The following TTBK2 variants were observed in gnomAD, a reference collection of about 807,000 sequenced individuals.
TTBK2 encodes the protein tau tubulin kinase 2, also known as tau-tubulin kinase 2.
TTBK2 carries 28 observed loss-of-function variants against 110.8 expected under a neutral mutation model. The observed-to-expected ratio is 0.25, with a 90% CI of 0.19 to 0.35. TTBK2 has a LOEUF of 0.35. Ranked by LOEUF, TTBK2 falls within the 10% of genes least tolerant of loss-of-function variation. The probability of loss-of-function intolerance (pLI) is 1.00; values close to 1 mark genes in which losing one functional copy is unlikely to be tolerated. For missense variants in TTBK2, 1,369 were observed against 1,500.3 expected, an observed-to-expected ratio of 0.91 and a Z score of 1.45; for synonymous variants, 532 against 527.3, an observed-to-expected ratio of 1.01 and a Z score of -0.12.
At chr15:42,859,997 A>C (rs922792728) in intron 3 of TTBK2, among the ~76,000 whole-genome samples, 1 of 152,182 alleles carries the variant, frequency 6.6e-6, no homozygotes, top group African/African-American at 2.4e-5. Context: ...AAAAAAAAGT[A>C]TCTGAGCTTG....
intron 13 of TTBK2, among the ~76,000 whole-genome samples, chr15:42,758,934 C>A (rs1035551818): frequency 6.6e-6 from 1 of 152,208 alleles, no homozygotes; most frequent in Non-Finnish European, 1.5e-5. Flanking sequence ...ATTAGGAGAA[C>A]AAGGTAAGCA....
chr15:42,917,394 T>A (rs899006664), intron 1 of TTBK2, among the ~76,000 whole-genome samples: 2 of 152,108 alleles, frequency 1.3e-5, no homozygotes, highest in Admixed American at 1.3e-4. Context: ...TCTAGCAAAA[T>A]TGACATTCAT....
intron 14 of TTBK2, 118 bp from the exon 15 acceptor site, chr15:42,746,375 A>G: frequency 1.3e-6 from 1 of 791,516 alleles, no homozygotes. Flanking sequence ...GACTAACAGG[A>G]TACAGGGTTA....
intron 4 of TTBK2, among the ~76,000 whole-genome samples, chr15:42,834,975 T>A (rs1166920973): frequency 6.6e-6 from 1 of 152,210 alleles, no homozygotes; most frequent in Non-Finnish European, 1.5e-5. Context: ...GTGTTTATAT[T>A]AGGGAACCAA....
At chr15:42,841,932 A>G (rs1392700596) in intron 3 of TTBK2, among the ~76,000 whole-genome samples, 2 of 152,222 alleles carry the variant, frequency 1.3e-5, no homozygotes, top group Non-Finnish European at 2.9e-5. Flanking sequence ...TGCTAAGACC[A>G]AAAGGCAGAG....
intron 13 of TTBK2, among the ~76,000 whole-genome samples, chr15:42,758,639 A>G (rs1427363609): frequency 2.1e-5 from 3 of 141,630 alleles, no homozygotes; most frequent in African/African-American, 8.4e-5. Flanking sequence ...TGGGTGACAA[A>G]GTGAGATTCC....
At chr15:42,766,992 C>T (rs1376728798) in intron 13 of TTBK2, among the ~76,000 whole-genome samples, 1 of 152,174 alleles carries the variant, frequency 6.6e-6, no homozygotes, top group Non-Finnish European at 1.5e-5. Context: ...CTCAAAACTG[C>T]ACAACTACAT....
intron 10 of TTBK2, among the ~76,000 whole-genome samples, chr15:42,784,376 C>A (rs1304497861): frequency 2.6e-5 from 4 of 152,064 alleles, no homozygotes; most frequent in African/African-American, 9.7e-5. Flanking sequence ...CTCTCGGATT[C>A]AAGCGATTCT....
chr15:42,830,839 A>T (rs1314472888), intron 4 of TTBK2, among the ~76,000 whole-genome samples: 22 of 152,044 alleles, frequency 1.4e-4, no homozygotes, highest in Non-Finnish European at 1.5e-5. Context: ...CCCTGTCTCT[A>T]CCAAAAATAC....
At chr15:42,783,742 G>GT (rs1567021419) in intron 10 of TTBK2, 107 bp from the exon 11 acceptor site, 2 of 619,394 alleles carry the variant, frequency 3.2e-6, no homozygotes, top group Non-Finnish European at 2.5e-6. Context: ...AATTAAGAGA[G>GT]TTAAAAAAAA....
intron 1 of TTBK2, among the ~76,000 whole-genome samples, chr15:42,898,535 A>C (rs7166253): frequency 1.3e-5 from 2 of 151,408 alleles, no homozygotes; most frequent in Non-Finnish European, 2.9e-5. Context: ...AAAGAAAAAG[A>C]AAAAAAAAGC....
rs770444240 is a variant in TTBK2 at position 42,746,064 on chromosome 15, G to C, written c.3466C>G (p.Arg1156Gly). 9 of 1,614,136 alleles carry C rather than the reference G, an allele frequency of 5.6e-6. No individual in the cohort carries two copies. The South Asian group carries it at 9.9e-5, about 18-fold the overall frequency. Residue 1156 changes from arginine to glycine, a missense_variant, in exon 15 of 15, where the codon CGA becomes GGA. By Grantham distance (125) the Arg-to-Gly change is moderately radical. This residue lies in a region of TTBK2 where 1,097 missense variants were observed against 1,114.7 expected (regional missense o/e 0.98). Transcript: ENST00000267890. Reference protein sequence around the residue: ...VPRRSPSASPRSSSLPRTSSS... With the variant: ...VPRRSPSASPGSSSLPRTSSS... ...GACGTGCGAGGCAAGGATGAGCTTC[G>C]AGGAGAGGCACTGGGACTCCTGCGA...
At chr15:42,777,610 T>G (rs1424597817) in intron 11 of TTBK2, among the ~76,000 whole-genome samples, 6 of 152,130 alleles carry the variant, frequency 3.9e-5, no homozygotes, top group Non-Finnish European at 7.4e-5. Flanking sequence ...ACATAAGTGG[T>G]CTCACAATTT....
intron 3 of TTBK2, among the ~76,000 whole-genome samples, chr15:42,866,936 G>C (rs1894393765): frequency 6.6e-6 from 1 of 151,974 alleles, no homozygotes; most frequent in African/African-American, 2.4e-5. Context: ...ATAGCACTGA[G>C]TGCATGTATT....
rs1279529543 is a variant in TTBK2, at chr15:42,775,256, G to A, written c.1877C>T (p.Pro626Leu). 1 of 1,614,082 alleles carries A rather than the reference G, an allele frequency of 6.2e-7. No homozygotes were observed. The highest frequency in any genetic ancestry group is 2.2e-5 in the East Asian group (1 of 44,898). ...VVLALSAEGPPTAASEQYTDR... is the reference protein window; with the variant it reads ...VVLALSAEGPLTAASEQYTDR... The stretch of plus-strand genomic sequence containing the variant: ...TGTATATTGTTCTGAAGCAGCAGTA[G>A]GAGGACCCTCTGCAGAAAGTGCTAA... The change falls in exon 13 of 15, where the codon CCT becomes CTT. Residue 626 changes from proline (P) to leucine (L), a missense_variant. Coordinates refer to ENST00000267890, the MANE Select transcript of TTBK2 (RefSeq NM_173500.4).
chr15:42,875,725 G>A (rs1196541885), intron 2 of TTBK2, among the ~76,000 whole-genome samples: 1 of 151,976 alleles, frequency 6.6e-6, no homozygotes, highest in African/African-American at 2.4e-5. Context: ...TGGCCAACAT[G>A]GCAAAACCCC....
intron 10 of TTBK2, among the ~76,000 whole-genome samples, chr15:42,789,805 A>C (rs1326818454): frequency 6.6e-6 from 1 of 151,624 alleles, no homozygotes; most frequent in Admixed American, 6.6e-5. Context: ...GTATTTATAC[A>C]TCATCTATAT....
intron 1 of TTBK2, among the ~76,000 whole-genome samples, chr15:42,894,038 A>C (rs1895573326): frequency 6.6e-6 from 1 of 152,130 alleles, no homozygotes. Context: ...ATCTAGTGGG[A>C]GGTAACTGAA....
intron 2 of TTBK2, among the ~76,000 whole-genome samples, chr15:42,877,238 TAGAC>T (rs925743379): frequency 4.6e-5 from 7 of 152,094 alleles, no homozygotes. Context: ...ACAAAAAAGA[TAGAC>T]AGACGGACAA....
Sources: gnomAD v4.1 joint callset for allele counts (sites outside exome capture counted in the v4.1 genomes callset) on GRCh38, gnomAD v4.1.1 for gene constraint, gnomAD v4.1.1 regional missense constraint, MANE v1.5 for transcripts, NCBI Gene and HGNC (gene_info 2026-07-23, HGNC 2026-07-21) for gene names.